The following SLC16A12 variants were observed in gnomAD, a reference collection of about 807,000 sequenced individuals.
SLC16A12 encodes the protein monocarboxylate transporter 12.
SLC16A12 carries 17 observed loss-of-function variants against 42.4 expected under a neutral mutation model. The observed-to-expected ratio is 0.40, with a 90% CI of 0.27 to 0.60. The LOEUF (loss-of-function observed/expected upper bound fraction) is 0.60, where lower values mean the gene tolerates loss of function less well. Among genes scored for constraint, SLC16A12 ranks in the 20% least tolerant of loss-of-function variants. The pLI is 0.42. For synonymous variants in SLC16A12, 224 were observed against 229.4 expected, an observed-to-expected ratio of 0.98 and a Z score of 0.21; for missense variants, 544 against 623.0, an observed-to-expected ratio of 0.87 and a Z score of 1.35.
In SLC16A12 at chr10:89,438,768, G is replaced by C. The variant is rs1468944620; in HGVS notation, c.864C>G (p.Val288=). The C allele has an allele frequency of 1.2e-6, 2 of 1,614,158 alleles. No individual in the cohort carries two copies. The highest frequency in any genetic ancestry group is 1.7e-6 in the Non-Finnish European group (2 of 1,180,028). The change falls in exon 6 of 8, where the codon GTC becomes GTG. Residue 288 remains valine, a synonymous_variant. Transcript: ENST00000371790. ...LLMSDFVVLA[V]SVLFMAYGCS... is the part of the protein sequence containing the mutation. ...AGCCATAAGCCATAAACAGAACGGA[G>C]ACGGCTAACACAACAAAGTCTGACA...
chr10:89,554,115 G>GGAAGGAAGGAAGGAAGGAAA (rs1843792859), intron 2 of SLC16A12, among the ~76,000 whole-genome samples: 3 of 140,768 alleles, frequency 2.1e-5, no homozygotes, highest in African/African-American at 2.7e-5. Flanking sequence ...AAGGAAGGAA[G>GGAAGGAAGGAAGGAAGGAAA]GAAGGAAGGA....
At chr10:89,518,357 G>A (rs761522643) in intron 2 of SLC16A12, among the ~76,000 whole-genome samples, 3 of 152,186 alleles carry the variant, frequency 2.0e-5, no homozygotes, top group Non-Finnish European at 4.4e-5. Flanking sequence ...AAGCCTCACC[G>A]AGGTAGGTCC....
At chr10:89,439,645 G>A (rs1419878597) in intron 5 of SLC16A12, among the ~76,000 whole-genome samples, 1 of 152,140 alleles carries the variant, frequency 6.6e-6, no homozygotes, top group Non-Finnish European at 1.5e-5. Context: ...GAAAATTCCA[G>A]GGTAATTTTA....
chr10:89,430,910 G>A lies in SLC16A12; in HGVS notation c.*2154C>T. 3.0e-6 allele frequency: 1 copy of A among 338,390 alleles called. No homozygotes were observed. Among genetic ancestry groups the A allele is most frequent in the Non-Finnish European group, 5.7e-6 (1 of 175,684 alleles). The allele number at this position is 338,390 out of a possible 1,614,324, so 21.0% of individuals were successfully genotyped here. ...TATTCATATTTTTAAACATCTTTAG[G>A]CTTGAAAATTCAAGAAATGATATTT... On this transcript the variant is annotated 3_prime_UTR_variant, in exon 8 of 8. Transcript: ENST00000371790.
chr10:89,443,725 G>T, intron 4 of SLC16A12, 31 bp downstream of exon 4: 1 of 1,476,314 alleles, frequency 6.8e-7, no homozygotes, highest in African/African-American at 1.4e-5. Flanking sequence ...AGAGTGGCCA[G>T]TAATTCCCTA....
At chr10:89,495,361 C>A (rs1445828606) in intron 2 of SLC16A12, among the ~76,000 whole-genome samples, 2 of 151,542 alleles carry the variant, frequency 1.3e-5, no homozygotes, top group Non-Finnish European at 3.0e-5. Context: ...TCTCAAAAAA[C>A]AAACAAACAA....
At chr10:89,540,958 A>G (rs1219156999) in intron 2 of SLC16A12, among the ~76,000 whole-genome samples, 2 of 132,806 alleles carry the variant, frequency 1.5e-5, no homozygotes, top group Non-Finnish European at 3.2e-5. Flanking sequence ...GTCTCACTCT[A>G]TTGCCCAGGC....
At chr10:89,528,646 T>C (rs1050769881) in intron 2 of SLC16A12, among the ~76,000 whole-genome samples, 3 of 152,204 alleles carry the variant, frequency 2.0e-5, no homozygotes, top group Admixed American at 6.5e-5. Flanking sequence ...GTTAAGAATA[T>C]ACCACACATG....
intron 2 of SLC16A12, among the ~76,000 whole-genome samples, chr10:89,519,515 TGTC>T: frequency 1.3e-5 from 2 of 152,086 alleles, no homozygotes; most frequent in Non-Finnish European, 2.9e-5. Flanking sequence ...AAAACAGATG[TGTC>T]TGTAATATAG....
At chr10:89,540,997 A>G (rs910076895) in intron 2 of SLC16A12, among the ~76,000 whole-genome samples, 3 of 150,710 alleles carry the variant, frequency 2.0e-5, no homozygotes, top group South Asian at 4.2e-4. Flanking sequence ...TCTCGGCTCA[A>G]TTTAAGCTCT....
Position 89,438,855 on chromosome 10 carries a change from G to C in SLC16A12, c.777C>G (p.Thr259=). Residue 259 remains threonine, a synonymous_variant, in exon 6 of 8, where the codon ACC becomes ACG. Transcript: ENST00000371790. ...AGAGGCAAGTCTGTGCCCATTCTTT[G>C]GTCAAAGATGAATAGGGAGACACCC... is the stretch of plus-strand genomic sequence containing the variant. ...IKRVSPYSSL[T]KEWAQTCLCC... is the part of the protein sequence containing the mutation. The C allele has an allele frequency of 1.2e-6, 2 of 1,614,138 alleles. No homozygotes were observed. Among genetic ancestry groups the C allele is most frequent in the Non-Finnish European group, 8.5e-7 (1 of 1,180,018 alleles).
rs142319186 is a variant in SLC16A12, at chr10:89,512,479, C to G, written c.-47+22022G>C. ...ACTTTCTGCCCCAACCCAAGCCACC[C>G]TTGACCTTAGGGGAAGGAATAGGGC... On this transcript the variant is annotated intron_variant, in intron 2 of 7. Transcript: ENST00000371790. Among the ~76,000 whole-genome samples the G allele has an allele frequency of 2.0e-5, 3 of 152,278 alleles. No individual in the cohort carries two copies. The East Asian group carries it at 5.8e-4, about 29-fold the overall frequency.
intron 2 of SLC16A12, among the ~76,000 whole-genome samples, chr10:89,526,519 C>T (rs762922000): frequency 2.0e-5 from 3 of 152,164 alleles, no homozygotes; most frequent in Non-Finnish European, 2.9e-5. Flanking sequence ...GATCCGCAGT[C>T]GTAGCTTGAA....
intron 3 of SLC16A12, among the ~76,000 whole-genome samples, chr10:89,460,279 A>AAGACTCATAATATAGATGAGTCTTAC (rs553128270): frequency 4.1e-4 from 63 of 152,230 alleles, no homozygotes; most frequent in East Asian, 7.8e-4. Flanking sequence ...CCCAGAACAC[A>AAGACTCATAATATAGATGAGTCTTAC]AGACTCATAA....
At position 89,436,857 on chromosome 10, in the gene SLC16A12, A is replaced by G. The variant is rs1242858449; in HGVS notation, c.1029-538T>C. ...AAATAAGGAGAAAGAAAGAAAAGAA[A>G]GAAATAAAGAAAAAGAAAGAAAGAA... On this transcript the variant is annotated intron_variant, in intron 6 of 7. Transcript: ENST00000371790. Among the ~76,000 whole-genome samples, 142 of 124,418 alleles carry G rather than the reference A, an allele frequency of 1.1e-3. 1 individual carries two copies. The highest frequency in any genetic ancestry group is 4.0e-3 in the African/African-American group (134 of 33,330). 81.6% of individuals were successfully genotyped at this position (124,418 alleles called of 152,430 possible). A position where few individuals can be genotyped will look rare whatever the true frequency, so the allele number is the denominator to read the frequency against.
rs991430578 is a variant in SLC16A12 at position 89,517,859 on chromosome 10, A to G, written c.-47+16642T>C. Among the ~76,000 whole-genome samples the G allele has an allele frequency of 6.6e-5, 10 of 152,176 alleles. 1 individual carries two copies. Among genetic ancestry groups the G allele is most frequent in the African/African-American group, 2.4e-4 (10 of 41,450 alleles). On this transcript the variant is annotated intron_variant, in intron 2 of 7. Coordinates refer to ENST00000371790, the MANE Select transcript of SLC16A12 (RefSeq NM_213606.4). ...AACATACATTGTGAGTTATCCCCCT[A>G]TTACAACTTTTCAAGAAAAAGGAAA...
chr10:89,524,580 T>C (rs929449272), intron 2 of SLC16A12, among the ~76,000 whole-genome samples: 2 of 152,364 alleles, frequency 1.3e-5, no homozygotes, highest in East Asian at 1.9e-4. Flanking sequence ...CTCAGCAACG[T>C]TAAGTGCCTC....
chr10:89,496,442 A>G (rs1297923243), intron 2 of SLC16A12, among the ~76,000 whole-genome samples: 2 of 152,188 alleles, frequency 1.3e-5, no homozygotes, highest in Non-Finnish European at 2.9e-5. Context: ...TAGAAGGAAC[A>G]GGAAAACTAG....
At chr10:89,487,274 A>T (rs982371819) in intron 2 of SLC16A12, among the ~76,000 whole-genome samples, 8 of 152,210 alleles carry the variant, frequency 5.3e-5, no homozygotes, top group African/African-American at 1.9e-4. Context: ...AATTCTGAAG[A>T]TTAACATCAT....
Sources: gnomAD v4.1 joint callset for allele counts (sites outside exome capture counted in the v4.1 genomes callset) on GRCh38, gnomAD v4.1.1 for gene constraint, MANE v1.5 for transcripts, NCBI Gene and HGNC (gene_info 2026-07-23, HGNC 2026-07-21) for gene names.